Variants in TF observed in about 807,000 individuals in gnomAD.
TF encodes transferrin, also known as serotransferrin.
Under a neutral mutation model 82.4 loss-of-function variants are expected in TF, and 55 were observed. The ratio of observed to expected loss-of-function variants is 0.67; its 90% CI spans 0.54 to 0.84. The LOEUF (loss-of-function observed/expected upper bound fraction) is 0.84. TF is among the 40% of genes least tolerant of loss of function. The pLI is 0.00. For missense variants in TF, 737 were observed against 868.4 expected (o/e 0.85, Z 1.90); for synonymous variants, 332 against 332.6 (o/e 1.00, Z 0.02).
Position 133,786,908 on chromosome 3 carries a change from C to T in TF, c.*8288C>T, listed in dbSNP as rs1297684330. ...AAGTGTAGAGGTAGTAAAATATCAC[C>T]TTGTAAATATCTTTTTGCTAAAATT... On this transcript the variant is annotated 3_prime_UTR_variant, in exon 17 of 17. Coordinates refer to ENST00000402696, the MANE Select transcript of TF (RefSeq NM_001063.4). 2.0e-5 allele frequency: 3 copies of T among 152,162 alleles called. No homozygotes were observed. Among genetic ancestry groups the T allele is most frequent in the Non-Finnish European group, 4.4e-5 (3 of 68,028 alleles). 9.4% of individuals were successfully genotyped at this position (152,162 alleles called of 1,614,324 possible).
the TF span, among the ~76,000 whole-genome samples, chr3:133,728,984 C>T: frequency 1.5e-3 from 232 of 152,256 alleles, 1 homozygote; most frequent in African/African-American, 5.2e-3. Context: ...TTGTGAACCG[C>T]GAATGCTGCT....
chr3:133,702,323 G>C, the TF span, among the ~76,000 whole-genome samples: 2 of 152,108 alleles, frequency 1.3e-5, no homozygotes, highest in Non-Finnish European at 2.9e-5. Flanking sequence ...GTTAGCTCAG[G>C]GGAGTGTCTT....
At position 133,778,693 on chromosome 3, in the gene TF, C is replaced by G. The variant is rs746047595; in HGVS notation, c.*73C>G. The G allele has an allele frequency of 3.9e-6, 6 of 1,552,734 alleles. No homozygotes were observed. Among genetic ancestry groups the G allele is most frequent in the Non-Finnish European group, 5.3e-6 (6 of 1,129,076 alleles). On this transcript the variant is annotated 3_prime_UTR_variant, in exon 17 of 17. Transcript: ENST00000402696. ...GATCCATGAGTTTGCCCTGGTTTCA[C>G]TGGCCCAAGTGGTTTGTGCTAACCA...
rs1934416378 is a variant in TF, at chr3:133,777,158, A to G, written c.1982A>G (p.His661Arg). 1 of 1,614,182 alleles carries G rather than the reference A, an allele frequency of 6.2e-7. No homozygotes were observed. The highest frequency in any genetic ancestry group is 8.5e-7 in the Non-Finnish European group (1 of 1,180,036). ...RDDTVCLAKL[H>R]DRNTYEKYLG... ...GACACAGTATGTTTGGCCAAACTTC[A>G]TGACAGAAACACATATGAAAAATAC... Residue 661 changes from histidine to arginine, a missense_variant, in exon 16 of 17, where the codon CAT becomes CGT. Physicochemically the swap from His to Arg is conservative, Grantham distance 29. Coordinates refer to ENST00000402696, the MANE Select transcript of TF (RefSeq NM_001063.4).
At chr3:133,769,403 A>C (rs1014898088) in intron 13 of TF, among the ~76,000 whole-genome samples, 5 of 152,196 alleles carry the variant, frequency 3.3e-5, no homozygotes, top group Non-Finnish European at 7.3e-5. Flanking sequence ...GTGATAACAT[A>C]TGTTTGAGAA....
At chr3:133,734,669 G>T in the TF span, among the ~76,000 whole-genome samples, 1 of 152,158 alleles carries the variant, frequency 6.6e-6, no homozygotes, top group Non-Finnish European at 1.5e-5. Flanking sequence ...TCCTCATTTT[G>T]CAATCAATGT....
the TF span, among the ~76,000 whole-genome samples, chr3:133,721,151 T>C: frequency 2.2e-4 from 34 of 152,238 alleles, no homozygotes; most frequent in Middle Eastern, 3.4e-3. Context: ...TTTAGTTTGT[T>C]CTTGTTTTTC....
chr3:133,770,514 G>C lies in TF; in HGVS notation c.1629G>C (p.Leu543=), dbSNP rs1576365950. 1 of 1,614,038 alleles carries C rather than the reference G, an allele frequency of 6.2e-7. No homozygotes were observed. Among genetic ancestry groups the C allele is most frequent in the Non-Finnish European group, 8.5e-7 (1 of 1,180,006 alleles). ...CACTTCTGGACCTCTGCAGGTGTCT[G>C]GTTGAGAAGGGAGATGTGGCCTTTG... ...YYGYTGAFRC[L]VEKGDVAFVK... The change falls in exon 14 of 17, where the codon CTG becomes CTC. Residue 543 remains leucine (L), a synonymous_variant. Coordinates refer to ENST00000402696, the MANE Select transcript of TF (RefSeq NM_001063.4).
At chr3:133,697,956 G>C in the TF span, among the ~76,000 whole-genome samples, 1 of 152,168 alleles carries the variant, frequency 6.6e-6, no homozygotes, top group Non-Finnish European at 1.5e-5. Flanking sequence ...GGTGTAGTCA[G>C]TTAGTTCTAG....
chr3:133,755,745 T>C, intron 5 of TF: 1 of 566,190 alleles, frequency 1.8e-6, no homozygotes, highest in Admixed American at 3.0e-5. Flanking sequence ...CCCTCAAGCC[T>C]GGTCAGTGTC....
chr3:133,790,649 C>T lies in TF; in HGVS notation c.*12029C>T, dbSNP rs552288783. The stretch of plus-strand genomic sequence containing the variant: ...AAATAAGCATTGTAAAGAAATGCAT[C>T]GGCAGTTTGGCAATTCCTTTTTACT... On this transcript the variant is annotated 3_prime_UTR_variant, in exon 17 of 17. Coordinates refer to ENST00000402696, the MANE Select transcript of TF (RefSeq NM_001063.4). 8 of 152,296 alleles carry T rather than the reference C, an allele frequency of 5.3e-5. No individual in the cohort carries two copies. Among genetic ancestry groups the T allele is most frequent in the South Asian group, 4.1e-4 (2 of 4,826 alleles). 9.4% of individuals were successfully genotyped at this position (152,296 alleles called of 1,614,324 possible). A position where few individuals can be genotyped will look rare whatever the true frequency, so the allele number is the denominator to read the frequency against.
chr3:133,713,306 G>A, the TF span, among the ~76,000 whole-genome samples: 1 of 152,220 alleles, frequency 6.6e-6, no homozygotes, highest in Non-Finnish European at 1.5e-5. Flanking sequence ...ACCAACCATG[G>A]GTTGTTGGGC....
the TF span, among the ~76,000 whole-genome samples, chr3:133,679,960 T>C: frequency 6.6e-6 from 1 of 152,194 alleles, no homozygotes; most frequent in African/African-American, 2.4e-5. Context: ...GTGGTGTCAG[T>C]CTTTTCACAG....
the TF span, among the ~76,000 whole-genome samples, chr3:133,725,285 T>A: frequency 1.2e-4 from 19 of 152,224 alleles, no homozygotes; most frequent in African/African-American, 3.4e-4. Context: ...TTCCTAACCA[T>A]GAGCATGGAA....
chr3:133,680,533 CT>C, the TF span, among the ~76,000 whole-genome samples: 194 of 145,114 alleles, frequency 1.3e-3, no homozygotes, highest in Non-Finnish European at 1.4e-3. Flanking sequence ...CTTTTCTTTT[CT>C]TTTTTTTTTT....
At chr3:133,748,628 T>G in intron 2 of TF, 44 bp downstream of exon 2, 2 of 1,608,766 alleles carry the variant, frequency 1.2e-6, no homozygotes, top group Non-Finnish European at 1.7e-6. Context: ...AAGCCATACT[T>G]TCTCTGTTTC....
chr3:133,711,411 G>C, the TF span, among the ~76,000 whole-genome samples: 5 of 152,118 alleles, frequency 3.3e-5, no homozygotes, highest in African/African-American at 1.2e-4. Flanking sequence ...TATCTCAAAA[G>C]CACACTAAGC....
chr3:133,759,258 AGTGTTAACAGT>A lies in TF; in HGVS notation c.1135_1145del (p.Val379ArgfsTer24). On this transcript the variant is annotated frameshift_variant, in exon 9 of 17. Coordinates refer to ENST00000402696, the MANE Select transcript of TF (RefSeq NM_001063.4). LOFTEE classifies it high-confidence loss of function. Reference sequence around the variant, plus strand: ...CGAGAGGCTCAAGTGTGATGAGTGGAGTGTTAACAGTGTAGGGAAAATAGAGTGTGTATCAG... The same window carrying A: ...CGAGAGGCTCAAGTGTGATGAGTGGAGTAGGGAAAATAGAGTGTGTATCAG... 1 of 1,614,036 alleles carries A rather than the reference AGTGTTAACAGT, an allele frequency of 6.2e-7. No homozygotes were observed. Among genetic ancestry groups the A allele is most frequent in the Non-Finnish European group, 8.5e-7 (1 of 1,180,008 alleles).
At position 133,764,201 on chromosome 3, in the gene TF, T is replaced by C. The variant is rs1225217819; in HGVS notation, c.1223T>C (p.Met408Thr). ...AKIMNGEADA[M>T]SLDGGFVYIA... The stretch of plus-strand genomic sequence containing the variant: ...TTGCAGAATGGAGAAGCTGATGCCA[T>C]GAGCTTGGATGGAGGGTTTGTCTAC... The change falls in exon 10 of 17, where the codon ATG becomes ACG. Residue 408 changes from methionine to threonine, a missense_variant. By Grantham distance (81) the Met-to-Thr change is moderately conservative. Transcript: ENST00000402696. The C allele has an allele frequency of 6.2e-7, 1 of 1,613,350 alleles. No individual in the cohort carries two copies. Among genetic ancestry groups the C allele is most frequent in the Admixed American group, 1.7e-5 (1 of 60,020 alleles).
Sources: gnomAD v4.1 joint callset for allele counts (sites outside exome capture counted in the v4.1 genomes callset) on GRCh38, gnomAD v4.1.1 for gene constraint, MANE v1.5 for transcripts, NCBI Gene and HGNC (gene_info 2026-07-23, HGNC 2026-07-21) for gene names.